Variants in STK39 observed in about 807,000 individuals in gnomAD.
STK39 encodes STE20/SPS1-related proline-alanine-rich protein kinase.
Under a neutral mutation model 77.8 loss-of-function variants are expected in STK39, and 20 were observed. That is an observed-to-expected ratio of 0.26 (90% CI 0.18 to 0.37). STK39 has a LOEUF of 0.37. STK39 is among the 10% of genes least tolerant of loss of function. The probability of loss-of-function intolerance (pLI) is 1.00; values close to 1 mark genes in which losing one functional copy is unlikely to be tolerated. For missense variants in STK39, 479 were observed against 656.5 expected, an observed-to-expected ratio of 0.73 and a Z score of 2.95; for synonymous variants, 246 against 234.1, an observed-to-expected ratio of 1.05 and a Z score of -0.47.
rs555707593 is a variant in STK39 at position 168,037,351 on chromosome 2, G to C, written c.1377-20256C>G. 2.0e-5 allele frequency among the ~76,000 whole-genome samples: 3 copies of C among 152,300 alleles called. No individual in the cohort carries two copies. The South Asian group carries it at 6.2e-4, about 32-fold the overall frequency. On this transcript the variant is annotated intron_variant, in intron 14 of 17. Coordinates refer to ENST00000355999, the MANE Select transcript of STK39 (RefSeq NM_013233.3). ...AGAGCTTTCTTCACTGCCATCAAGAGTATACATTGATACTAGCTTTTGAGA... is the reference window on the plus strand; with the variant it reads ...AGAGCTTTCTTCACTGCCATCAAGACTATACATTGATACTAGCTTTTGAGA...
chr2:167,985,895 G>C (rs953160123), intron 16 of STK39, among the ~76,000 whole-genome samples: 1 of 152,148 alleles, frequency 6.6e-6, no homozygotes, highest in Admixed American at 6.5e-5. Context: ...CCCAAGACTG[G>C]CTGTTGTAAT....
At chr2:168,100,160 T>C (rs572126742) in intron 10 of STK39, among the ~76,000 whole-genome samples, 1 of 152,270 alleles carries the variant, frequency 6.6e-6, no homozygotes, top group South Asian at 2.1e-4. Context: ...TATTTCAAGG[T>C]TTATATTGCA....
chr2:168,242,983 G>C (rs1018649697), intron 1 of STK39, among the ~76,000 whole-genome samples: 4 of 149,114 alleles, frequency 2.7e-5, no homozygotes, highest in African/African-American at 4.9e-5. Flanking sequence ...GAAAATCAAA[G>C]CCCTGTCTTG....
At chr2:168,229,424 C>T (rs887828343) in intron 1 of STK39, among the ~76,000 whole-genome samples, 1 of 151,848 alleles carries the variant, frequency 6.6e-6, no homozygotes, top group African/African-American at 2.4e-5. Context: ...AGTACATCTC[C>T]CTTCCTTCTA....
chr2:168,146,542 T>C (rs932404405), intron 5 of STK39, among the ~76,000 whole-genome samples: 4 of 152,192 alleles, frequency 2.6e-5, no homozygotes, highest in Non-Finnish European at 1.5e-5. Flanking sequence ...CAGGGGACCC[T>C]GAGAGTTCTT....
intron 1 of STK39, among the ~76,000 whole-genome samples, chr2:168,239,299 T>G (rs1288662798): frequency 6.6e-6 from 1 of 152,180 alleles, no homozygotes; most frequent in Admixed American, 6.5e-5. Context: ...CTAGAGCTTT[T>G]GAAGGGCAGT....
intron 1 of STK39, among the ~76,000 whole-genome samples, chr2:168,203,060 G>A (rs1689650307): frequency 6.6e-6 from 1 of 152,116 alleles, no homozygotes; most frequent in African/African-American, 2.4e-5. Flanking sequence ...TCTTCGTTGT[G>A]AGGTACTGTC....
At chr2:168,235,517 T>C (rs1053346437) in intron 1 of STK39, among the ~76,000 whole-genome samples, 1 of 151,912 alleles carries the variant, frequency 6.6e-6, no homozygotes, top group Non-Finnish European at 1.5e-5. Flanking sequence ...TACATATGTA[T>C]ACATGTGCCA....
At chr2:168,237,053 C>A (rs183462813) in intron 1 of STK39, among the ~76,000 whole-genome samples, 2,571 of 152,102 alleles carry the variant, frequency 0.017, 84 homozygotes, top group African/African-American at 0.059. Context: ...GCCATTTTCA[C>A]GATATTGATT....
intron 1 of STK39, among the ~76,000 whole-genome samples, chr2:168,240,032 T>A (rs187464776): frequency 6.6e-6 from 1 of 152,348 alleles, no homozygotes; most frequent in East Asian, 1.9e-4. Context: ...CATATTATAC[T>A]TCAATAAGGG....
At chr2:168,150,528 GGTGT>G (rs1688251754) in intron 5 of STK39, among the ~76,000 whole-genome samples, 1 of 152,016 alleles carries the variant, frequency 6.6e-6, no homozygotes, top group African/African-American at 2.4e-5. Context: ...GCTCACTGCA[GGTGT>G]GATGGTACTG....
chr2:168,194,407 G>A (rs750740604), intron 1 of STK39, among the ~76,000 whole-genome samples: 107 of 152,090 alleles, frequency 7.0e-4, no homozygotes, highest in African/African-American at 2.3e-3. Flanking sequence ...GCAACAGAGC[G>A]AGACTCTGTC....
chr2:168,167,612 A>T (rs1051747270), intron 2 of STK39, among the ~76,000 whole-genome samples: 5 of 152,204 alleles, frequency 3.3e-5, no homozygotes, highest in African/African-American at 2.4e-5. Context: ...TCTCTACAGG[A>T]GACCACAGAG....
intron 10 of STK39, among the ~76,000 whole-genome samples, chr2:168,090,912 G>A (rs968181635): frequency 1.3e-5 from 2 of 152,118 alleles, no homozygotes; most frequent in African/African-American, 2.4e-5. Flanking sequence ...AAGATACTGC[G>A]AGGAAAGGCA....
intron 16 of STK39, among the ~76,000 whole-genome samples, chr2:167,995,051 T>C (rs1683797896): frequency 6.6e-6 from 1 of 151,494 alleles, no homozygotes; most frequent in South Asian, 2.1e-4. Context: ...CTTTTCTATA[T>C]ATTTGATTTC....
intron 14 of STK39, among the ~76,000 whole-genome samples, chr2:168,031,130 C>G (rs1684823093): frequency 6.6e-6 from 1 of 152,096 alleles, no homozygotes; most frequent in African/African-American, 2.4e-5. Flanking sequence ...TGGAGAAGAG[C>G]GGAGTGGGTG....
chr2:168,067,881 A>T (rs1468950931), intron 12 of STK39, among the ~76,000 whole-genome samples: 1 of 152,196 alleles, frequency 6.6e-6, no homozygotes, highest in East Asian at 1.9e-4. Context: ...CTATGAACAA[A>T]TACCCAAGAC....
intron 5 of STK39, among the ~76,000 whole-genome samples, chr2:168,141,070 G>A (rs1044103731): frequency 3.9e-5 from 6 of 152,190 alleles, no homozygotes; most frequent in African/African-American, 7.2e-5. Context: ...CAACATGCCC[G>A]AGTATGTCCA....
intron 1 of STK39, among the ~76,000 whole-genome samples, chr2:168,234,568 C>T (rs183338179): frequency 8.3e-4 from 127 of 152,294 alleles, no homozygotes; most frequent in Middle Eastern, 3.4e-3. Context: ...CAACCCTCAA[C>T]TTCCTGTTCC....
Sources: allele counts gnomAD v4.1 joint callset (sites outside exome capture counted in the v4.1 genomes callset), GRCh38; gene constraint gnomAD v4.1.1; transcripts MANE v1.5; gene names NCBI Gene and HGNC (gene_info 2026-07-23, HGNC 2026-07-21).